The following SUMF1 variants were observed in gnomAD, a reference collection of about 807,000 sequenced individuals.
SUMF1 encodes formylglycine-generating enzyme.
SUMF1 carries 48 observed loss-of-function variants against 47.6 expected under a neutral mutation model. The ratio of observed to expected loss-of-function variants is 1.01; its 90% CI spans 0.80 to 1.28. The LOEUF (loss-of-function observed/expected upper bound fraction) is 1.28. Among genes scored for constraint, SUMF1 ranks in the 50% most tolerant of loss-of-function variants. The pLI is 0.00. For synonymous variants in SUMF1, 230 were observed against 192.1 expected (o/e 1.20, Z -1.63); for missense variants, 571 against 485.4 (o/e 1.18, Z -1.66).
chr3:4,165,818 T>G (rs539146628), intron 8 of SUMF1, among the ~76,000 whole-genome samples: 1 of 147,038 alleles, frequency 6.8e-6, no homozygotes, highest in African/African-American at 2.6e-5. Flanking sequence ...CCTGAGTGTT[T>G]CCCAGCTGAA....
At chr3:4,153,699 C>T (rs1307070060) in intron 8 of SUMF1, among the ~76,000 whole-genome samples, 1 of 151,480 alleles carries the variant, frequency 6.6e-6, no homozygotes, top group Non-Finnish European at 1.5e-5. Context: ...CTTATTTCAA[C>T]ATAACTACAT....
intron 8 of SUMF1, among the ~76,000 whole-genome samples, chr3:4,284,474 A>AGG (rs1559650524): frequency 0.12 from 13,914 of 118,552 alleles, 1,917 homozygotes; most frequent in Middle Eastern, 0.17. Context: ...GGAGGAGGAG[A>AGG]AGGAGGAGGA....
At position 4,239,241 on chromosome 3, in the gene SUMF1, T is replaced by C. The variant is rs140786924; in HGVS notation, c.1014+137089A>G. On this transcript the variant is annotated intron_variant and NMD_transcript_variant, in intron 8 of 12. Coordinates refer to the SUMF1 transcript ENST00000448413. ...CCAGCTTTGTTCTTTTTGCTTAAGATTGTCTTGGCTATATGGGTTCTTTTT... is the reference window on the plus strand; with the variant it reads ...CCAGCTTTGTTCTTTTTGCTTAAGACTGTCTTGGCTATATGGGTTCTTTTT... Among the ~76,000 whole-genome samples the C allele has an allele frequency of 5.1e-3, 778 of 152,270 alleles. 7 individuals carry two copies. Among genetic ancestry groups the C allele is most frequent in the African/African-American group, 0.018 (751 of 41,542 alleles).
At chr3:4,431,947 T>A (rs563283209) in intron 3 of SUMF1, among the ~76,000 whole-genome samples, 5 of 152,228 alleles carry the variant, frequency 3.3e-5, no homozygotes, top group African/African-American at 1.2e-4. Context: ...GGGTGACAGA[T>A]ATCACTTCCT....
intron 8 of SUMF1, among the ~76,000 whole-genome samples, chr3:4,302,506 T>C (rs1051119616): frequency 6.6e-6 from 1 of 152,164 alleles, no homozygotes; most frequent in Non-Finnish European, 1.5e-5. Flanking sequence ...ATGTTTCTTA[T>C]CAGACTTAAG....
rs141993173 is a variant in SUMF1 at position 4,174,577 on chromosome 3, G to A, written c.1015-105832C>T. On this transcript the variant is annotated intron_variant and NMD_transcript_variant, in intron 8 of 12. Coordinates refer to the SUMF1 transcript ENST00000448413. ...CACACATGGGGGGCGTTCCAAGATG[G>A]CCGAATAGGAACAGCTCCAATCTGC... Among the ~76,000 whole-genome samples the A allele has an allele frequency of 2.2e-3, 342 of 152,000 alleles. 2 individuals are homozygous for A. Among genetic ancestry groups the A allele is most frequent in the African/African-American group, 7.6e-3 (317 of 41,450 alleles).
downstream of SUMF1, among the ~76,000 whole-genome samples, chr3:4,360,341 T>C (rs999334411): frequency 5.7e-4 from 87 of 151,812 alleles, no homozygotes; most frequent in African/African-American, 1.6e-3. Flanking sequence ...TTTTCTTTTT[T>C]TCCTGAGACA....
intron 1 of SUMF1, among the ~76,000 whole-genome samples, chr3:4,456,880 G>T (rs148809225): frequency 1.2e-5 from 1 of 84,510 alleles, no homozygotes; most frequent in East Asian, 3.4e-4. Context: ...ATATCTATAT[G>T]TGTGTGTATA....
At chr3:4,382,319 T>TAC (rs200530925) in intron 7 of SUMF1, among the ~76,000 whole-genome samples, 4 of 142,178 alleles carry the variant, frequency 2.8e-5, no homozygotes, top group African/African-American at 1.1e-4. Context: ...CTCTTATACA[T>TAC]ACACACACAC....
intron 9 of SUMF1, among the ~76,000 whole-genome samples, chr3:4,065,963 C>A (rs1359544207): frequency 5.9e-5 from 9 of 152,144 alleles, no homozygotes; most frequent in African/African-American, 2.2e-4. Flanking sequence ...TGCTCACCCG[C>A]TGTCTGATCT....
chr3:4,214,730 C>T (rs1260278619), intron 8 of SUMF1, among the ~76,000 whole-genome samples: 2 of 152,074 alleles, frequency 1.3e-5, no homozygotes, highest in African/African-American at 4.8e-5. Context: ...ACTGATCCCA[C>T]AGAAATCCAA....
chr3:4,111,688 G>A (rs535498861), intron 8 of SUMF1, among the ~76,000 whole-genome samples: 10 of 152,166 alleles, frequency 6.6e-5, no homozygotes, highest in East Asian at 5.8e-4. Flanking sequence ...GCAGTGAGCC[G>A]AGATTGTGCC....
rs181347301 is a variant in SUMF1, at chr3:4,278,373, A to T, written c.1014+97957T>A. Among the ~76,000 whole-genome samples, 206 of 152,228 alleles carry T rather than the reference A, an allele frequency of 1.4e-3. 2 individuals are homozygous for T. Among genetic ancestry groups the T allele is most frequent in the Admixed American group, 5.8e-3 (89 of 15,274 alleles). On this transcript the variant is annotated intron_variant and NMD_transcript_variant, in intron 8 of 12. Coordinates refer to the SUMF1 transcript ENST00000448413. ...TAGGACATGCATTAATCTCAAACCT[A>T]TTACCTTTAATGAAAGGTCATTTAA...
chr3:4,108,628 T>G (rs910559770), intron 8 of SUMF1, among the ~76,000 whole-genome samples: 2 of 152,098 alleles, frequency 1.3e-5, no homozygotes, highest in Non-Finnish European at 2.9e-5. Flanking sequence ...GCATATATAT[T>G]TAGGATAGTT....
intron 8 of SUMF1, chr3:4,313,803 T>C: frequency 6.2e-7 from 1 of 1,608,670 alleles, no homozygotes; most frequent in Non-Finnish European, 8.5e-7. Context: ...CTCCCTATAG[T>C]GGAAGACAGT....
intron 8 of SUMF1, among the ~76,000 whole-genome samples, chr3:4,260,298 CA>C (rs1697058070): frequency 6.6e-6 from 1 of 150,842 alleles, no homozygotes; most frequent in African/African-American, 2.4e-5. Context: ...TACTAGTAGT[CA>C]GTTCTGGCTA....
At chr3:4,207,038 T>C (rs905104342) in intron 8 of SUMF1, among the ~76,000 whole-genome samples, 10 of 152,272 alleles carry the variant, frequency 6.6e-5, no homozygotes, top group South Asian at 4.1e-4. Flanking sequence ...TAGCAATGTT[T>C]TATAGTTTTT....
At chr3:4,383,089 G>C (rs1397372968) in intron 7 of SUMF1, among the ~76,000 whole-genome samples, 2 of 146,516 alleles carry the variant, frequency 1.4e-5, no homozygotes, top group South Asian at 2.2e-4. Context: ...AAAAAAAAAA[G>C]AGATCAGGGC....
At chr3:4,156,370 T>C (rs1559518909) in intron 8 of SUMF1, among the ~76,000 whole-genome samples, 1 of 151,626 alleles carries the variant, frequency 6.6e-6, no homozygotes, top group Non-Finnish European at 1.5e-5. Flanking sequence ...AACTAATTAG[T>C]ACCTAATCTA....
Sources: gnomAD v4.1 joint callset for allele counts (sites outside exome capture counted in the v4.1 genomes callset) on GRCh38, gnomAD v4.1.1 for gene constraint, MANE v1.5 for transcripts, NCBI Gene and HGNC (gene_info 2026-07-23, HGNC 2026-07-21) for gene names.